Variants in PRKCZ observed in about 807,000 individuals in gnomAD.
The protein encoded by PRKCZ is protein kinase C zeta.
Under a neutral mutation model 79.5 loss-of-function variants are expected in PRKCZ, and 33 were observed. The observed-to-expected ratio is 0.41, with a 90% confidence interval of 0.31 to 0.55. The LOEUF (loss-of-function observed/expected upper bound fraction) is 0.55, where lower values mean the gene tolerates loss of function less well. Ranked by LOEUF, PRKCZ falls within the 20% of genes least tolerant of loss-of-function variation. PRKCZ has a pLI of 0.19. For synonymous variants in PRKCZ, 342 were observed against 320.9 expected (o/e 1.07, Z -0.70); for missense variants, 578 against 813.5 (o/e 0.71, Z 3.52).
At chr1:2,074,393 G>A in intron 4 of PRKCZ, 1 of 1,407,518 alleles carries the variant, frequency 7.1e-7, no homozygotes. Context: ...GTTGCTGGCT[G>A]TTGGGAGTTT....
chr1:2,124,188 C>T (rs74924725), intron 4 of PRKCZ, among the ~76,000 whole-genome samples: 8 of 6,204 alleles, frequency 1.3e-3, no homozygotes, highest in African/African-American at 0.01. Context: ...GTTAGGGTCA[C>T]GGCTGTAGTT....
chr1:2,105,984 T>C (rs12077634), intron 4 of PRKCZ, among the ~76,000 whole-genome samples: 5,911 of 152,278 alleles, frequency 0.039, 378 homozygotes, highest in African/African-American at 0.13. Flanking sequence ...AGGGGGCTCC[T>C]GCGTTTGTGC....
In PRKCZ at chr1:2,172,962, G is replaced by C. The variant is rs111679085; in HGVS notation, c.1285+574G>C. 6.6e-5 allele frequency among the ~76,000 whole-genome samples: 10 copies of C among 150,838 alleles called. No homozygotes were observed. Among genetic ancestry groups the C allele is most frequent in the African/African-American group, 2.2e-4 (9 of 40,686 alleles). On this transcript the variant is annotated intron_variant, in intron 13 of 17. Coordinates refer to ENST00000378567, the MANE Select transcript of PRKCZ (RefSeq NM_002744.6). The surrounding 1 kb of genome is among the most constrained non-coding windows in gnomAD (Gnocchi z 7.8). The stretch of plus-strand genomic sequence containing the variant: ...GGGATGTGGGCACGCGTGTGCAGCC[G>C]TGTGTGCGTGTGTGAAACGGGGACG...
Position 2,175,280 on chromosome 1 carries a change from C to A in PRKCZ, c.1542C>A (p.Ser514=), listed in dbSNP as rs377083684. The A allele has an allele frequency of 6.2e-7, 1 of 1,613,662 alleles. No homozygotes were observed. The highest frequency in any genetic ancestry group is 1.3e-5 in the African/African-American group (1 of 74,816). ...RPQTGFSDIK[S]HAFFRSIDWD... Reference sequence around the variant, plus strand: ...AGACTGGATTTTCTGACATCAAGTCCCACGCGTTCTTCCGCAGCATAGACT... The same window carrying A: ...AGACTGGATTTTCTGACATCAAGTCACACGCGTTCTTCCGCAGCATAGACT... The change falls in exon 16 of 18, where the codon TCC becomes TCA. Residue 514 remains serine, a synonymous_variant. Transcript: ENST00000378567.
At position 2,118,713 on chromosome 1, in the gene PRKCZ, CTGTGTG is replaced by C. The variant is rs770283606; in HGVS notation, c.335-16512_335-16507del. On this transcript the variant is annotated intron_variant, in intron 4 of 17. Transcript: ENST00000378567. ...TGATGTTAGTGTGACCACACCAGCTCTGTGTGTGTGTGTGTGTGTGTGTGTGTGTGT... is the reference window on the plus strand; with the variant it reads ...TGATGTTAGTGTGACCACACCAGCTCTGTGTGTGTGTGTGTGTGTGTGTGT... 4.3e-4 allele frequency among the ~76,000 whole-genome samples: 52 copies of C among 120,726 alleles called. 1 individual carries two copies. The highest frequency in any genetic ancestry group is 1.3e-3 in the African/African-American group (42 of 33,062). The allele number at this position is 120,726 out of a possible 152,430, so 79.2% of individuals were successfully genotyped here.
At chr1:2,126,289 G>A (rs1296268009) in intron 4 of PRKCZ, among the ~76,000 whole-genome samples, 2 of 152,246 alleles carry the variant, frequency 1.3e-5, no homozygotes, top group East Asian at 3.9e-4. Context: ...AGTGTTGGTG[G>A]CCTTGGAGGG....
intron 4 of PRKCZ, among the ~76,000 whole-genome samples, chr1:2,120,671 T>G (rs1445209712): frequency 6.6e-6 from 1 of 152,118 alleles, no homozygotes; most frequent in African/African-American, 2.4e-5. Flanking sequence ...GTGTCTAATG[T>G]GCTCTTTTTT....
At chr1:2,124,873 G>A (rs903221131) in intron 4 of PRKCZ, among the ~76,000 whole-genome samples, 14 of 152,064 alleles carry the variant, frequency 9.2e-5, no homozygotes, top group Admixed American at 2.6e-4. Context: ...CCTCCAACGC[G>A]GTTTTTACTT....
Position 2,121,677 on chromosome 1 carries a change from G to GTTAC in PRKCZ, c.335-13582_335-13581insCTTA, listed in dbSNP as rs113323574. ...GGTGGTGGTTAGGGTCGTGGTGGTG[G>GTTAC]TTAGGGTCACGGTGGTGGTTAGGGT... On this transcript the variant is annotated intron_variant, in intron 4 of 17. Transcript: ENST00000378567. Among the ~76,000 whole-genome samples the GTTAC allele has an allele frequency of 3.1e-4, 35 of 113,624 alleles. 2 individuals are homozygous for GTTAC. Among genetic ancestry groups the GTTAC allele is most frequent in the African/African-American group, 1.2e-3 (32 of 26,470 alleles). The allele number at this position is 113,624 out of a possible 152,430, so 74.5% of individuals were successfully genotyped here.
At chr1:2,096,159 G>A (rs547404046) in intron 4 of PRKCZ, among the ~76,000 whole-genome samples, 1 of 151,968 alleles carries the variant, frequency 6.6e-6, no homozygotes, top group East Asian at 2.0e-4. Context: ...ACTGGCCCGG[G>A]GCTGGTCCTC....
chr1:2,168,392 G>C lies in PRKCZ; in HGVS notation c.975-1126G>C, dbSNP rs1382658487. On this transcript the variant is annotated intron_variant, in intron 10 of 17. Transcript: ENST00000378567. This position sits in a 1 kb window ranked among gnomAD's most constrained non-coding sequence, Gnocchi z 4.7. ...GGGGAGACAACAAAAGCCGAGGAAC[G>C]AGCCTTCCCCAGCCGCTCCCCAAAG... 1.3e-5 allele frequency among the ~76,000 whole-genome samples: 2 copies of C among 152,152 alleles called. No individual in the cohort carries two copies. The highest frequency in any genetic ancestry group is 2.4e-5 in the African/African-American group (1 of 41,428).
Position 2,177,164 on chromosome 1 carries a change from C to A in PRKCZ, c.1575+1851C>A, listed in dbSNP as rs970832144. On this transcript the variant is annotated intron_variant, in intron 16 of 17. Transcript: ENST00000378567. The surrounding 1 kb of genome is among the most constrained non-coding windows in gnomAD (Gnocchi z 6.4). ...TGGCGTTCCCCTATCTCAGGCCACACCTGGCCTAGCTGGTGTTAGTGGTGG... is the reference window on the plus strand; with the variant it reads ...TGGCGTTCCCCTATCTCAGGCCACAACTGGCCTAGCTGGTGTTAGTGGTGG... 6.6e-6 allele frequency among the ~76,000 whole-genome samples: 1 copy of A among 152,122 alleles called. No homozygotes were observed. Among genetic ancestry groups the A allele is most frequent in the African/African-American group, 2.4e-5 (1 of 41,414 alleles).
In PRKCZ at chr1:2,165,835, G is replaced by A. The variant is rs372247893; in HGVS notation, c.975-3683G>A. ...TGCATTCCTGGAAGGGGTGGGGGGA[G>A]TGGCGAGGAGGGGGCGGCACCAAGG... On this transcript the variant is annotated intron_variant, in intron 10 of 17. Transcript: ENST00000378567. This position sits in a 1 kb window ranked among gnomAD's most constrained non-coding sequence, Gnocchi z 4.1. Among the ~76,000 whole-genome samples, 8 of 152,148 alleles carry A rather than the reference G, an allele frequency of 5.3e-5. No individual in the cohort carries two copies. The highest frequency in any genetic ancestry group is 5.2e-4 in the Admixed American group (8 of 15,272).
chr1:2,135,073 A>C, intron 4 of PRKCZ, 189 bp from the exon 5 acceptor site: 1 of 527,146 alleles, frequency 1.9e-6, no homozygotes, highest in African/African-American at 1.9e-5. Context: ...AGGCCGTGAC[A>C]CCATGAGGAT....
chr1:2,077,880 G>GT (rs1662734285), intron 4 of PRKCZ, among the ~76,000 whole-genome samples: 1 of 152,162 alleles, frequency 6.6e-6, no homozygotes, highest in African/African-American at 2.4e-5. Context: ...ACTGTTTATT[G>GT]TTTTTAATCA....
chr1:2,155,501 G>A lies in PRKCZ; in HGVS notation c.877-494G>A, dbSNP rs890356081. On this transcript the variant is annotated intron_variant, in intron 9 of 17. Coordinates refer to ENST00000378567, the MANE Select transcript of PRKCZ (RefSeq NM_002744.6). ...TGGTGATGAAGGTGATGGTAACAGCGACAGTGATGGTGGTGGGGGTAGATG... is the reference window on the plus strand; with the variant it reads ...TGGTGATGAAGGTGATGGTAACAGCAACAGTGATGGTGGTGGGGGTAGATG... 2.5e-4 allele frequency among the ~76,000 whole-genome samples: 38 copies of A among 151,574 alleles called. 1 individual carries two copies. Among genetic ancestry groups the A allele is most frequent in the South Asian group, 1.0e-3 (5 of 4,790 alleles).
At chr1:2,154,787 C>T (rs1680604786) in intron 9 of PRKCZ, among the ~76,000 whole-genome samples, 1 of 152,228 alleles carries the variant, frequency 6.6e-6, no homozygotes, top group East Asian at 1.9e-4. Context: ...TGAGACCAAG[C>T]TGTTGGATCT....
In PRKCZ at chr1:2,122,568, C is replaced by CACG. The variant is rs1459310611; in HGVS notation, c.335-12694_335-12693insACG. Among the ~76,000 whole-genome samples the CACG allele has an allele frequency of 2.9e-3, 14 of 4,758 alleles. No individual in the cohort carries two copies. The African/African-American group carries it at 0.03, about 10-fold the overall frequency. The allele number at this position is 4,758 out of a possible 152,430, so 3.1% of individuals were successfully genotyped here. A position where few individuals can be genotyped will look rare whatever the true frequency, so the allele number is the denominator to read the frequency against. ...TTAGGGTCACGGTGGTGGTTAGGGT[C>CACG]GTGGTGGTTAGGGTTGTGGTGGTTA... On this transcript the variant is annotated intron_variant, in intron 4 of 17. Coordinates refer to ENST00000378567, the MANE Select transcript of PRKCZ (RefSeq NM_002744.6).
chr1:2,123,331 G>A (rs62649439), intron 4 of PRKCZ, among the ~76,000 whole-genome samples: 2 of 7,378 alleles, frequency 2.7e-4, no homozygotes, highest in African/African-American at 1.9e-3. Flanking sequence ...TCATGGTGGT[G>A]GTTAGGGTCA....
Sources: gnomAD v4.1 joint callset for allele counts (sites outside exome capture counted in the v4.1 genomes callset) on GRCh38, gnomAD v4.1.1 for gene constraint, Gnocchi (gnomAD v3.1) non-coding constraint, MANE v1.5 for transcripts, NCBI Gene and HGNC (gene_info 2026-07-23, HGNC 2026-07-21) for gene names.